Variants in IQCB1 observed in about 807,000 individuals in gnomAD.
IQCB1 encodes IQ calmodulin-binding motif-containing protein 1.
In IQCB1, 56 loss-of-function variants were observed where a neutral mutation model predicts 84.4. That is an observed-to-expected ratio of 0.66 (90% confidence interval 0.54 to 0.83). IQCB1 has a LOEUF of 0.83. IQCB1 is among the 40% of genes least tolerant of loss of function. The pLI, the probability that IQCB1 is intolerant of heterozygous loss-of-function variation, is 0.00. For missense variants in IQCB1, 629 were observed against 682.1 expected (o/e 0.92, Z 0.87); for synonymous variants, 210 against 234.8 (o/e 0.89, Z 0.96).
At chr3:121,802,063 A>G (rs1949428444) in intron 7 of IQCB1, among the ~76,000 whole-genome samples, 1 of 151,916 alleles carries the variant, frequency 6.6e-6, no homozygotes, top group Non-Finnish European at 1.5e-5. Flanking sequence ...ATTTCTATCT[A>G]TGTTTATGAA....
chr3:121,770,153 A>T lies in IQCB1; in HGVS notation c.*192T>A, dbSNP rs1947907823. ...ACAAATCTGTGTGTGGCTAACGATG[A>T]GGATACAGAGAAAAGAAAAAGAAAA... On this transcript the variant is annotated 3_prime_UTR_variant, in exon 15 of 15. Coordinates refer to ENST00000310864, the MANE Select transcript of IQCB1 (RefSeq NM_001023570.4). 1 of 575,496 alleles carries T rather than the reference A, an allele frequency of 1.7e-6. No homozygotes were observed. The highest frequency in any genetic ancestry group is 1.9e-5 in the African/African-American group (1 of 53,388). The allele number at this position is 575,496 out of a possible 1,614,324, so 35.6% of individuals were successfully genotyped here.
intron 10 of IQCB1, among the ~76,000 whole-genome samples, chr3:121,793,413 C>T (rs1402225929): frequency 6.6e-6 from 1 of 152,066 alleles, no homozygotes; most frequent in East Asian, 1.9e-4. Context: ...GACCAGTGGG[C>T]AGTCTCTCTC....
At chr3:121,832,421 G>A (rs748176902) in intron 2 of IQCB1, among the ~76,000 whole-genome samples, 13 of 150,744 alleles carry the variant, frequency 8.6e-5, no homozygotes, top group Non-Finnish European at 1.3e-4. Flanking sequence ...TCCACCTCCT[G>A]GGTTCAAGTG....
In IQCB1 at chr3:121,826,151, TCTC is replaced by T. The variant is rs757544286; in HGVS notation, c.290_292del (p.Gly97del). 6.2e-7 allele frequency: 1 copy of T among 1,613,784 alleles called. No individual in the cohort carries two copies. Among genetic ancestry groups the T allele is most frequent in the Admixed American group, 1.7e-5 (1 of 60,016 alleles). On this transcript the variant is annotated inframe_deletion, in exon 5 of 15. Transcript: ENST00000310864. Reference sequence around the variant, plus strand: ...TTCATTGTAAAATTCCTCTGCATCTTCTCCTGGCTCCAAGCCCACACAGCAATG... The same window carrying T: ...TTCATTGTAAAATTCCTCTGCATCTTCTGGCTCCAAGCCCACACAGCAATG...
At chr3:121,813,525 C>A (rs865880311) in intron 5 of IQCB1, among the ~76,000 whole-genome samples, 1 of 152,088 alleles carries the variant, frequency 6.6e-6, no homozygotes, top group Non-Finnish European at 1.5e-5. Flanking sequence ...ATTCAGGAGA[C>A]CCATCTCACA....
At chr3:121,826,503 C>T (rs1004677101) in intron 4 of IQCB1, among the ~76,000 whole-genome samples, 1 of 152,092 alleles carries the variant, frequency 6.6e-6, no homozygotes, top group African/African-American at 2.4e-5. Context: ...CTATAGGATA[C>T]CTTGAGAGTT....
At position 121,781,845 on chromosome 3, in the gene IQCB1, C is replaced by T; in HGVS notation, c.1308G>A (p.Lys436=). Residue 436 remains lysine (K), a synonymous_variant, in exon 13 of 15, where the codon AAG becomes AAA. Transcript: ENST00000310864. ...GCCAAGGAGCAAATAGTTTCTTTTT[C>T]TTACGGCACTTCGCTAGGAATTTAA... ...AALKFLAKCR[K]KKKLFAPWRG... is the part of the protein sequence containing the mutation. 1 of 1,613,806 alleles carries T rather than the reference C, an allele frequency of 6.2e-7. No homozygotes were observed. The highest frequency in any genetic ancestry group is 2.2e-5 in the East Asian group (1 of 44,858).
intron 7 of IQCB1, among the ~76,000 whole-genome samples, chr3:121,801,771 C>G (rs992670319): frequency 2.1e-5 from 3 of 140,942 alleles, no homozygotes; most frequent in African/African-American, 8.0e-5. Context: ...GATCTGCTTT[C>G]TGAGAAAGTT....
intron 12 of IQCB1, 59 bp downstream of exon 12, chr3:121,788,225 G>A: frequency 6.5e-7 from 1 of 1,530,766 alleles, no homozygotes; most frequent in African/African-American, 1.4e-5. Context: ...AGCAAAGTCA[G>A]TTTTGAACTC....
intron 13 of IQCB1, among the ~76,000 whole-genome samples, chr3:121,776,342 T>G (rs1401039933): frequency 6.6e-6 from 1 of 152,222 alleles, no homozygotes; most frequent in Non-Finnish European, 1.5e-5. Flanking sequence ...TATGGACATA[T>G]ATTTCTTTTT....
At chr3:121,771,392 G>A (rs530592372) in intron 14 of IQCB1, among the ~76,000 whole-genome samples, 4 of 151,164 alleles carry the variant, frequency 2.6e-5, no homozygotes, top group South Asian at 2.1e-4. Context: ...GCAGTAGCGC[G>A]ATCTCTGCTT....
intron 10 of IQCB1, among the ~76,000 whole-genome samples, chr3:121,794,067 G>A (rs558724895): frequency 2.6e-5 from 4 of 151,900 alleles, no homozygotes; most frequent in South Asian, 4.2e-4. Flanking sequence ...GATGCTTTGG[G>A]TAGAAAAATA....
intron 7 of IQCB1, among the ~76,000 whole-genome samples, chr3:121,806,002 A>T (rs954558779): frequency 6.6e-5 from 10 of 152,102 alleles, no homozygotes; most frequent in African/African-American, 2.2e-4. Context: ...AGTTAGAGCA[A>T]TTGTAAGATT....
chr3:121,775,893 C>T (rs190556714), intron 13 of IQCB1, among the ~76,000 whole-genome samples: 1 of 152,254 alleles, frequency 6.6e-6, no homozygotes, highest in East Asian at 1.9e-4. Flanking sequence ...TACCCATCCA[C>T]CAACTACTTA....
At chr3:121,788,942 G>C (rs541544399) in intron 11 of IQCB1, among the ~76,000 whole-genome samples, 1 of 152,090 alleles carries the variant, frequency 6.6e-6, no homozygotes, top group African/African-American at 2.4e-5. Flanking sequence ...ATAAAAAGGG[G>C]GGCGTATTTG....
At chr3:121,787,688 T>C (rs1374639355) in intron 12 of IQCB1, among the ~76,000 whole-genome samples, 4 of 151,152 alleles carry the variant, frequency 2.6e-5, no homozygotes, top group Non-Finnish European at 2.9e-5. Context: ...GAGGCGGAGG[T>C]TGTAGTGAGC....
intron 7 of IQCB1, among the ~76,000 whole-genome samples, chr3:121,801,284 A>C (rs573101962): frequency 6.6e-6 from 1 of 152,080 alleles, no homozygotes; most frequent in African/African-American, 2.4e-5. Context: ...CCTGATGGAC[A>C]TTTGAGTTTT....
At chr3:121,814,202 A>T (rs1320253259) in intron 5 of IQCB1, among the ~76,000 whole-genome samples, 1 of 152,196 alleles carries the variant, frequency 6.6e-6, no homozygotes, top group Non-Finnish European at 1.5e-5. Flanking sequence ...AGAAATAAAT[A>T]AGTTATTTGA....
intron 5 of IQCB1, among the ~76,000 whole-genome samples, chr3:121,823,986 A>G (rs1029406518): frequency 6.6e-6 from 1 of 152,248 alleles, no homozygotes; most frequent in East Asian, 1.9e-4. Flanking sequence ...AAACCTAACC[A>G]TAGCACAAAT....
Sources: gnomAD v4.1 joint callset for allele counts (sites outside exome capture counted in the v4.1 genomes callset) on GRCh38, gnomAD v4.1.1 for gene constraint, MANE v1.5 for transcripts, NCBI Gene and HGNC (gene_info 2026-07-23, HGNC 2026-07-21) for gene names.